The following NOL4 variants were observed in gnomAD, a reference collection of about 807,000 sequenced individuals.
The protein encoded by NOL4 is cancer/testis antigen 125.
Under a neutral mutation model 75.9 loss-of-function variants are expected in NOL4, and 17 were observed. The observed-to-expected ratio is 0.22, with a 90% CI of 0.15 to 0.34. The LOEUF is 0.34. Ranked by LOEUF, NOL4 falls within the 10% of genes least tolerant of loss-of-function variation. The pLI is 1.00. For synonymous variants in NOL4, 292 were observed against 289.9 expected (o/e 1.01, Z -0.07); for missense variants, 614 against 793.5 (o/e 0.77, Z 2.72).
At chr18:34,049,669 A>G (rs1953381957) in intron 5 of NOL4, among the ~76,000 whole-genome samples, 2 of 151,872 alleles carry the variant, frequency 1.3e-5, no homozygotes, top group Non-Finnish European at 2.9e-5. Context: ...AATCTTTTCT[A>G]TTTCTCAACC....
intron 5 of NOL4, among the ~76,000 whole-genome samples, chr18:34,058,041 A>G (rs1355943354): frequency 6.6e-6 from 1 of 152,160 alleles, no homozygotes; most frequent in Non-Finnish European, 1.5e-5. Flanking sequence ...AGTTCTGGCC[A>G]TAATGATGCT....
chr18:34,108,466 A>G (rs1202983974), intron 2 of NOL4, among the ~76,000 whole-genome samples: 7 of 152,328 alleles, frequency 4.6e-5, no homozygotes, highest in Admixed American at 2.0e-4. Context: ...CATTAGCTAT[A>G]AGTGGACACA....
intron 6 of NOL4, among the ~76,000 whole-genome samples, chr18:33,965,330 C>CA (rs1438175566): frequency 6.6e-6 from 1 of 151,930 alleles, no homozygotes; most frequent in Non-Finnish European, 1.5e-5. Flanking sequence ...ACAAACCAAC[C>CA]AAAAACCAAA....
intron 9 of NOL4, among the ~76,000 whole-genome samples, chr18:33,934,219 A>G (rs1260109226): frequency 4.6e-5 from 7 of 152,056 alleles, no homozygotes; most frequent in Admixed American, 4.6e-4. Context: ...CATGCTCTAA[A>G]CAGATGTGCA....
At chr18:33,983,418 G>A (rs919010794) in intron 6 of NOL4, among the ~76,000 whole-genome samples, 4 of 151,826 alleles carry the variant, frequency 2.6e-5, no homozygotes, top group Non-Finnish European at 5.9e-5. Flanking sequence ...TAGAAGAGTT[G>A]GTATGTGCAT....
intron 2 of NOL4, among the ~76,000 whole-genome samples, chr18:34,109,783 C>T (rs2079495784): frequency 6.6e-6 from 1 of 151,242 alleles, no homozygotes; most frequent in African/African-American, 2.4e-5. Flanking sequence ...GACCAAGAAA[C>T]AGAGAAGAAT....
At chr18:34,106,001 C>G (rs973136583) in intron 2 of NOL4, among the ~76,000 whole-genome samples, 1 of 152,048 alleles carries the variant, frequency 6.6e-6, no homozygotes, top group Non-Finnish European at 1.5e-5. Flanking sequence ...CTGACAGTGA[C>G]TCAGACAGTG....
At chr18:34,073,182 A>T (rs2145287011) in intron 5 of NOL4, among the ~76,000 whole-genome samples, 1 of 152,214 alleles carries the variant, frequency 6.6e-6, no homozygotes, top group Admixed American at 6.5e-5. Context: ...ATAACCAATC[A>T]GGAAAATAAT....
Position 34,188,639 on chromosome 18 carries a change from C to T in NOL4, c.264+34351G>A, listed in dbSNP as rs575370346. Among the ~76,000 whole-genome samples the T allele has an allele frequency of 2.6e-5, 4 of 152,248 alleles. No homozygotes were observed. The South Asian group carries it at 8.3e-4, about 32-fold the overall frequency. On this transcript the variant is annotated intron_variant, in intron 1 of 10. Coordinates refer to ENST00000261592, the MANE Select transcript of NOL4 (RefSeq NM_003787.5). Reference sequence around the variant, plus strand: ...TTGAATACTCTACCAATAGTGAAAACTAGAATGGCTCTCTGTCACTGCCTA... The same window carrying T: ...TTGAATACTCTACCAATAGTGAAAATTAGAATGGCTCTCTGTCACTGCCTA...
intron 2 of NOL4, among the ~76,000 whole-genome samples, chr18:34,123,768 A>G (rs1210862117): frequency 1.3e-5 from 2 of 150,378 alleles, no homozygotes; most frequent in African/African-American, 2.4e-5. Flanking sequence ...CTATTTATCT[A>G]TAGATAGCTA....
intron 1 of NOL4, among the ~76,000 whole-genome samples, chr18:34,146,490 C>A (rs769615499): frequency 2.0e-5 from 3 of 152,122 alleles, no homozygotes; most frequent in Non-Finnish European, 2.9e-5. Flanking sequence ...GGAATCCTTT[C>A]CCCATTGCTT....
intron 1 of NOL4, among the ~76,000 whole-genome samples, chr18:34,140,964 G>T (rs12967132): frequency 0.6 from 90,669 of 151,800 alleles, 27,712 homozygotes; most frequent in African/African-American, 0.74. Flanking sequence ...CTCCTTAAGC[G>T]CATAAGCAAC....
intron 1 of NOL4, among the ~76,000 whole-genome samples, chr18:34,153,712 TAAGACA>T (rs1334985877): frequency 1.3e-5 from 2 of 152,010 alleles, no homozygotes; most frequent in African/African-American, 4.8e-5. Flanking sequence ...CAAACTGTGT[TAAGACA>T]GAGACTATAT....
chr18:33,979,629 G>C (rs375089122), intron 6 of NOL4, among the ~76,000 whole-genome samples: 135 of 151,876 alleles, frequency 8.9e-4, no homozygotes, highest in African/African-American at 3.1e-3. Context: ...GAAATAGCAT[G>C]TGGAGTATAA....
At chr18:34,219,721 A>C (rs1440546663) in intron 1 of NOL4, among the ~76,000 whole-genome samples, 1 of 152,264 alleles carries the variant, frequency 6.6e-6, no homozygotes, top group African/African-American at 2.4e-5. Context: ...TGACACTTTT[A>C]ATGAAAGAAT....
At chr18:33,932,036 GTCAGAGGACACTTTAGC>G (rs1429631325) in intron 9 of NOL4, among the ~76,000 whole-genome samples, 1 of 152,078 alleles carries the variant, frequency 6.6e-6, no homozygotes, top group Non-Finnish European at 1.5e-5. Flanking sequence ...ACATATACAT[GTCAGAGGACACTTTAGC>G]TCTTGCATTC....
chr18:33,886,353 C>A (rs912853190), intron 9 of NOL4, among the ~76,000 whole-genome samples: 6 of 151,634 alleles, frequency 4.0e-5, no homozygotes, highest in African/African-American at 1.5e-4. Flanking sequence ...CATGGGAAAA[C>A]CCCGTCTCTA....
In NOL4 at chr18:34,086,516, A is replaced by T. The variant is rs141701385; in HGVS notation, c.772+6949T>A. Among the ~76,000 whole-genome samples, 824 of 152,288 alleles carry T rather than the reference A, an allele frequency of 5.4e-3. 8 individuals are homozygous for T. Among genetic ancestry groups the T allele is most frequent in the African/African-American group, 0.018 (762 of 41,568 alleles). ...CACTGAATTTAATTTCCTATTCAGT[A>T]TACTGTTTTACATCACTTTTATTAA... On this transcript the variant is annotated intron_variant, in intron 5 of 10. Transcript: ENST00000261592.
chr18:33,915,747 A>C (rs1392368427), intron 9 of NOL4, among the ~76,000 whole-genome samples: 1 of 152,190 alleles, frequency 6.6e-6, no homozygotes, highest in Non-Finnish European at 1.5e-5. Context: ...TTACAGAACA[A>C]CAGAAATAAA....
Sources: gnomAD v4.1 joint callset for allele counts (sites outside exome capture counted in the v4.1 genomes callset) on GRCh38, gnomAD v4.1.1 for gene constraint, MANE v1.5 for transcripts, NCBI Gene and HGNC (gene_info 2026-07-23, HGNC 2026-07-21) for gene names.